STPG2: variants seen among roughly 807,000 people sequenced by gnomAD.
STPG2 encodes sperm tail PG-rich repeat containing 2, also known as sperm-tail PG-rich repeat-containing protein 2.
STPG2 carries 56 observed loss-of-function variants against 54.2 expected under a neutral mutation model. The observed-to-expected ratio is 1.03, with a 90% CI of 0.83 to 1.29. The LOEUF is 1.29. Among genes scored for constraint, STPG2 ranks in the 50% most tolerant of loss-of-function variants. STPG2 has a pLI of 0.00. For synonymous variants in STPG2, 200 were observed against 181.8 expected (o/e 1.10, Z -0.81); for missense variants, 596 against 544.9 (o/e 1.09, Z -0.93).
At chr4:97,924,380 C>T (rs1050655683) in intron 8 of STPG2, among the ~76,000 whole-genome samples, 1 of 152,146 alleles carries the variant, frequency 6.6e-6, no homozygotes, top group Non-Finnish European at 1.5e-5. Flanking sequence ...TATAGTAATA[C>T]AATAGGACTT....
chr4:97,765,154 C>A (rs1320103334), intron 9 of STPG2, among the ~76,000 whole-genome samples: 1 of 152,052 alleles, frequency 6.6e-6, no homozygotes, highest in Non-Finnish European at 1.5e-5. Context: ...ATATTCAATA[C>A]AATTGCTGAA....
chr4:97,500,861 A>G (rs763521688), intron 4 of STPG2, among the ~76,000 whole-genome samples: 13 of 152,048 alleles, frequency 8.5e-5, no homozygotes, highest in Non-Finnish European at 1.8e-4. Context: ...TGCAGGGAGA[A>G]TAAGAGGGAA....
chr4:97,858,150 A>C (rs1489198032), intron 8 of STPG2, among the ~76,000 whole-genome samples: 3 of 152,168 alleles, frequency 2.0e-5, no homozygotes, highest in Admixed American at 2.0e-4. Flanking sequence ...AATGTCAGAG[A>C]ACTTTCCAAA....
chr4:98,088,669 G>A (rs1485329047), intron 5 of STPG2, among the ~76,000 whole-genome samples: 1 of 94,328 alleles, frequency 1.1e-5, no homozygotes, highest in Non-Finnish European at 2.1e-5. Flanking sequence ...CTCTCCTTTA[G>A]GGGAAAAAAA....
intron 8 of STPG2, among the ~76,000 whole-genome samples, chr4:97,855,926 C>T (rs1410371537): frequency 2.0e-5 from 3 of 152,128 alleles, no homozygotes; most frequent in Non-Finnish European, 4.4e-5. Flanking sequence ...ATAGGAAATC[C>T]TTTCTCCATT....
chr4:98,062,271 C>G (rs1737685009), intron 5 of STPG2, among the ~76,000 whole-genome samples: 1 of 152,038 alleles, frequency 6.6e-6, no homozygotes, highest in African/African-American at 2.4e-5. Flanking sequence ...AAGAAGCAAA[C>G]AACAGACACT....
intron 8 of STPG2, among the ~76,000 whole-genome samples, chr4:97,850,288 G>T (rs1440493422): frequency 1.7e-4 from 1 of 5,884 alleles, no homozygotes; most frequent in African/African-American, 1.0e-3. Context: ...GGGGGAGGGG[G>T]GAGGGAAAGA....
intron 10 of STPG2, among the ~76,000 whole-genome samples, chr4:97,708,635 T>C (rs550438367): frequency 6.6e-6 from 1 of 152,028 alleles, no homozygotes; most frequent in Non-Finnish European, 1.5e-5. Context: ...AAAGATCTCT[T>C]GCTATACTCC....
chr4:97,520,429 T>C (rs1320647179), intron 4 of STPG2, among the ~76,000 whole-genome samples: 3 of 152,046 alleles, frequency 2.0e-5, no homozygotes, highest in Admixed American at 1.3e-4. Context: ...AGTCTCTACT[T>C]GTGAACTCTG....
At chr4:97,494,070 A>G (rs1018285193) in intron 4 of STPG2, among the ~76,000 whole-genome samples, 15 of 151,566 alleles carry the variant, frequency 9.9e-5, no homozygotes, top group African/African-American at 3.1e-4. Flanking sequence ...ATTGTCCCAC[A>G]GAACTCTGAA....
At chr4:97,908,107 G>A (rs979247043) in intron 8 of STPG2, among the ~76,000 whole-genome samples, 17 of 150,872 alleles carry the variant, frequency 1.1e-4, no homozygotes, top group Admixed American at 3.3e-4. Flanking sequence ...GAAAATTTTC[G>A]CAACCTACTC....
intron 8 of STPG2, among the ~76,000 whole-genome samples, chr4:97,868,187 T>C (rs1323231330): frequency 6.6e-6 from 1 of 151,984 alleles, no homozygotes; most frequent in African/African-American, 2.4e-5. Context: ...ATTTATGCCT[T>C]TAGCCATTTA....
At chr4:97,932,151 T>C (rs1322849329) in intron 8 of STPG2, among the ~76,000 whole-genome samples, 1 of 152,176 alleles carries the variant, frequency 6.6e-6, no homozygotes. Flanking sequence ...TAAGTCTAGC[T>C]AGTGGCCTAT....
rs1172283307 is a variant in STPG2, at chr4:97,443,542, T to C, written c.463-255709A>G. Among the ~76,000 whole-genome samples the C allele has an allele frequency of 2.0e-5, 3 of 152,154 alleles. No individual in the cohort carries two copies. In the East Asian group the frequency reaches 5.8e-4, roughly 29 times the overall value. ...GAAGAAAAGATTGGAGAAGGGACTC[T>C]AGTTAATATCTCTGACTTCCTATTA... On this transcript the variant is annotated intron_variant, in intron 4 of 4. Transcript: ENST00000522676.
chr4:98,132,749 T>C (rs975803742), intron 2 of STPG2, among the ~76,000 whole-genome samples: 6 of 151,904 alleles, frequency 3.9e-5, no homozygotes, highest in Non-Finnish European at 5.9e-5. Context: ...ATAGTTCTAG[T>C]AAAAGGGGAT....
intron 10 of STPG2, among the ~76,000 whole-genome samples, chr4:97,579,840 T>G (rs1023451698): frequency 6.6e-6 from 1 of 152,026 alleles, no homozygotes; most frequent in Admixed American, 6.6e-5. Context: ...CAATTATATT[T>G]TACAATTGAC....
At chr4:98,110,333 A>G (rs1286281669) in intron 3 of STPG2, among the ~76,000 whole-genome samples, 1 of 152,156 alleles carries the variant, frequency 6.6e-6, no homozygotes, top group Non-Finnish European at 1.5e-5. Context: ...ATAACATCTC[A>G]GGAGTTGCGC....
intron 10 of STPG2, among the ~76,000 whole-genome samples, chr4:97,611,361 C>CA (rs532362620): frequency 1.8e-4 from 27 of 150,948 alleles, no homozygotes; most frequent in South Asian, 6.3e-4. Context: ...AACACACACA[C>CA]AAAAAAACAG....
At chr4:97,528,813 T>A (rs1046225184) in intron 4 of STPG2, among the ~76,000 whole-genome samples, 3 of 152,172 alleles carry the variant, frequency 2.0e-5, no homozygotes, top group Admixed American at 2.0e-4. Context: ...CTATTATTGG[T>A]GTATAGGAAT....
Sources: allele counts gnomAD v4.1 joint callset (sites outside exome capture counted in the v4.1 genomes callset), GRCh38; gene constraint gnomAD v4.1.1; transcripts MANE v1.5; gene names NCBI Gene and HGNC (gene_info 2026-07-23, HGNC 2026-07-21).